The following SMIM14 variants were observed in gnomAD, a reference collection of about 807,000 sequenced individuals.
SMIM14 encodes chromosome 4 open reading frame 34.
A neutral mutation model predicts 12.6 loss-of-function variants in SMIM14; 5 were observed. The ratio of observed to expected loss-of-function variants is 0.40; its 90% CI spans 0.21 to 0.83. The LOEUF (loss-of-function observed/expected upper bound fraction) is 0.83. SMIM14 is among the 40% of genes least tolerant of loss of function. The pLI is 0.37. For synonymous variants in SMIM14, 30 were observed against 40.1 expected (o/e 0.75, Z 0.95); for missense variants, 86 against 119.1 (o/e 0.72, Z 1.29).
At chr4:39,597,573 A>G (rs1462068882) in intron 2 of SMIM14, among the ~76,000 whole-genome samples, 3 of 151,158 alleles carry the variant, frequency 2.0e-5, no homozygotes, top group Admixed American at 1.3e-4. Flanking sequence ...CCTCCCGAGT[A>G]GCTGGGATTA....
At chr4:39,620,422 T>A (rs1034807408) in intron 1 of SMIM14, among the ~76,000 whole-genome samples, 2 of 152,076 alleles carry the variant, frequency 1.3e-5, no homozygotes, top group African/African-American at 4.8e-5. Flanking sequence ...GAGCCTGCAG[T>A]GAGCCGGAGA....
At chr4:39,635,211 A>G (rs907571840) in intron 1 of SMIM14, among the ~76,000 whole-genome samples, 2 of 152,226 alleles carry the variant, frequency 1.3e-5, no homozygotes, top group Non-Finnish European at 2.9e-5. Flanking sequence ...GGCAAGTTCC[A>G]GGGACAAAAA....
chr4:39,585,758 G>A (rs1713754999), intron 2 of SMIM14, among the ~76,000 whole-genome samples: 1 of 151,958 alleles, frequency 6.6e-6, no homozygotes, highest in African/African-American at 2.4e-5. Flanking sequence ...GCTCCAGGTA[G>A]CACCAACCCC....
At chr4:39,624,684 C>A (rs1018283736) in intron 1 of SMIM14, among the ~76,000 whole-genome samples, 6 of 150,040 alleles carry the variant, frequency 4.0e-5, no homozygotes, top group African/African-American at 1.5e-4. Flanking sequence ...ATTAGCTGGG[C>A]GTGGTGGTGT....
At chr4:39,555,072 G>A (rs1047191134) in intron 4 of SMIM14, among the ~76,000 whole-genome samples, 3 of 151,830 alleles carry the variant, frequency 2.0e-5, no homozygotes, top group Non-Finnish European at 4.4e-5. Context: ...CTGACCTCAG[G>A]TGATCCGCCC....
chr4:39,599,136 T>C (rs1001770959), intron 2 of SMIM14, among the ~76,000 whole-genome samples: 12 of 152,222 alleles, frequency 7.9e-5, no homozygotes, highest in African/African-American at 2.9e-4. Flanking sequence ...CTTCAGGATT[T>C]TGAAGCCACT....
At chr4:39,638,374 T>A (rs1162490591) in intron 1 of SMIM14, 26 of 744,906 alleles carry the variant, frequency 3.5e-5, no homozygotes, top group Non-Finnish European at 4.3e-5. Flanking sequence ...ATTTCAGGAT[T>A]TGTGAGTTTT....
At chr4:39,572,086 G>A (rs1010594227) in intron 3 of SMIM14, among the ~76,000 whole-genome samples, 4 of 151,894 alleles carry the variant, frequency 2.6e-5, no homozygotes, top group African/African-American at 4.8e-5. Flanking sequence ...TTCCAGGTGT[G>A]AGCCACTGCA....
In SMIM14 at chr4:39,585,564, T is replaced by G. The variant is rs1713745194; in HGVS notation, c.76-13101A>C. Among the ~76,000 whole-genome samples, 3 of 152,078 alleles carry G rather than the reference T, an allele frequency of 2.0e-5. No homozygotes were observed. The South Asian group carries it at 6.2e-4, about 31-fold the overall frequency. The stretch of plus-strand genomic sequence containing the variant: ...TGCCCGCCTTGGCCTCCCAAAGTGC[T>G]GGGATTACAGGCATGAGCCACTGCG... On this transcript the variant is annotated intron_variant, in intron 2 of 4. Coordinates refer to ENST00000295958, the MANE Select transcript of SMIM14 (RefSeq NM_174921.3).
intron 1 of SMIM14, among the ~76,000 whole-genome samples, chr4:39,620,212 G>A (rs1161370673): frequency 6.6e-6 from 1 of 151,388 alleles, no homozygotes; most frequent in African/African-American, 2.4e-5. Context: ...GGGCGCTGTG[G>A]CTCACGCCTG....
chr4:39,619,058 T>C (rs1560306685), intron 1 of SMIM14, among the ~76,000 whole-genome samples: 1 of 152,066 alleles, frequency 6.6e-6, no homozygotes, highest in East Asian at 1.9e-4. Context: ...AATTAAGTGA[T>C]GATAGAGGGT....
intron 2 of SMIM14, 42 bp from the exon 3 acceptor site, chr4:39,572,505 C>T (rs1313798915): frequency 2.0e-6 from 3 of 1,484,318 alleles, no homozygotes; most frequent in Non-Finnish European, 2.8e-6. Context: ...TAGACTTAAA[C>T]AAAAGTGGAC....
At chr4:39,582,536 C>T (rs985034537) in intron 2 of SMIM14, among the ~76,000 whole-genome samples, 21 of 151,546 alleles carry the variant, frequency 1.4e-4, no homozygotes, top group African/African-American at 5.1e-4. Flanking sequence ...TGGTGGTGCA[C>T]GGCTGTAATC....
At position 39,629,685 on chromosome 4, in the gene SMIM14, G is replaced by A. The variant is rs141165244; in HGVS notation, c.-36+9054C>T. Among the ~76,000 whole-genome samples, 183 of 152,106 alleles carry A rather than the reference G, an allele frequency of 1.2e-3. 1 individual carries two copies. The East Asian group carries it at 0.03, about 25-fold the overall frequency. On this transcript the variant is annotated intron_variant, in intron 1 of 4. Coordinates refer to ENST00000295958, the MANE Select transcript of SMIM14 (RefSeq NM_174921.3). ...GTTGCCCAGGCTGGAGTGCAGTGGC[G>A]TGATCACAGCTCCCTGCAGCCTCAG...
At chr4:39,593,496 G>C (rs1374187590) in intron 2 of SMIM14, 1 of 152,152 alleles carries the variant, frequency 6.6e-6, no homozygotes, top group Non-Finnish European at 1.5e-5. Flanking sequence ...ACTGGCACAA[G>C]ACAAGGATGC....
At chr4:39,608,024 G>C (rs1714878665) in intron 1 of SMIM14, among the ~76,000 whole-genome samples, 1 of 152,192 alleles carries the variant, frequency 6.6e-6, no homozygotes, top group African/African-American at 2.4e-5. Flanking sequence ...TGGAAAATGA[G>C]TGATGTAGAA....
intron 1 of SMIM14, among the ~76,000 whole-genome samples, chr4:39,619,850 T>TTATATATATATATA (rs1186064721): frequency 1.4e-5 from 1 of 70,126 alleles, no homozygotes; most frequent in East Asian, 3.4e-4. Flanking sequence ...ATATATATAT[T>TTATATATATATATA]TATATATATT....
intron 3 of SMIM14, among the ~76,000 whole-genome samples, chr4:39,568,803 TC>T (rs1712710587): frequency 6.6e-6 from 1 of 152,208 alleles, no homozygotes; most frequent in African/African-American, 2.4e-5. Context: ...ATTCTATCCC[TC>T]ACAGTAAACT....
chr4:39,556,497 G>C lies in SMIM14; in HGVS notation c.198C>G (p.Ile66Met), dbSNP rs1323237552. 1 of 1,613,884 alleles carries C rather than the reference G, an allele frequency of 6.2e-7. No homozygotes were observed. Among genetic ancestry groups the C allele is most frequent in the Admixed American group, 1.7e-5 (1 of 59,962 alleles). ...GATTAGGAGGTCTCAGTAAGAACAA[G>C]ATCAATGCAATAACCATCCAGGCTA... ...ILVAWMVIALILFLLRPPNLR... is the reference protein window; with the variant it reads ...ILVAWMVIALMLFLLRPPNLR... The change falls in exon 4 of 5, where the codon ATC (isoleucine) becomes ATG (methionine). Residue 66 changes from isoleucine (I) to methionine (M), a missense_variant. By Grantham distance (10) the Ile-to-Met change is conservative. Transcript: ENST00000295958.
Sources: allele counts gnomAD v4.1 joint callset (sites outside exome capture counted in the v4.1 genomes callset), GRCh38; gene constraint gnomAD v4.1.1; transcripts MANE v1.5; gene names NCBI Gene and HGNC (gene_info 2026-07-23, HGNC 2026-07-21).